Variants in CNTN1 observed in about 807,000 individuals in gnomAD.
CNTN1 encodes the protein contactin-1.
In CNTN1, 38 loss-of-function variants were observed where a neutral mutation model predicts 126.4. The ratio of observed to expected loss-of-function variants is 0.30; its 90% CI spans 0.23 to 0.39. CNTN1 has a LOEUF of 0.39. CNTN1 is among the 10% of genes least tolerant of loss of function. CNTN1 has a pLI of 1.00. For synonymous variants in CNTN1, 413 were observed against 422.6 expected (o/e 0.98, Z 0.28); for missense variants, 1,009 against 1,248.4 (o/e 0.81, Z 2.89).
Position 41,038,133 on chromosome 12 carries a change from G to A in CNTN1, c.2980+8914G>A, listed in dbSNP as rs1218482534. 2.6e-5 allele frequency among the ~76,000 whole-genome samples: 4 copies of A among 151,984 alleles called. No homozygotes were observed. In the East Asian group the frequency reaches 7.7e-4, roughly 29 times the overall value. On this transcript the variant is annotated intron_variant, in intron 23 of 23. Transcript: ENST00000551295. ...AGATGGCCACCACATGCTAGCCTGG[G>A]CAACAGAGTGAGAGTCCATCTCAAA...
chr12:40,745,961 A>G (rs1475225295), intron 1 of CNTN1, among the ~76,000 whole-genome samples: 4 of 152,134 alleles, frequency 2.6e-5, no homozygotes, highest in Non-Finnish European at 5.9e-5. Context: ...GAGAAGGAAA[A>G]AAATCAAAGT....
intron 1 of CNTN1, among the ~76,000 whole-genome samples, chr12:40,864,514 G>C (rs959939830): frequency 6.6e-6 from 1 of 151,920 alleles, no homozygotes; most frequent in Non-Finnish European, 1.5e-5. Flanking sequence ...TTACCCCTGA[G>C]CAATCACTAA....
intron 1 of CNTN1, among the ~76,000 whole-genome samples, chr12:40,805,291 T>C (rs1168978336): frequency 6.6e-6 from 1 of 152,034 alleles, no homozygotes; most frequent in East Asian, 1.9e-4. Flanking sequence ...TTTGCACGAC[T>C]GATATTTACC....
chr12:40,924,718 A>G, intron 6 of CNTN1, 66 bp downstream of exon 6: 1 of 831,718 alleles, frequency 1.2e-6, no homozygotes, highest in Non-Finnish European at 2.1e-6. Flanking sequence ...CCATTTTCTT[A>G]GTAATAATGC....
At chr12:40,694,140 A>G (rs1266006909) in intron 1 of CNTN1, among the ~76,000 whole-genome samples, 1 of 152,178 alleles carries the variant, frequency 6.6e-6, no homozygotes, top group African/African-American at 2.4e-5. Context: ...TTTCAGTGGT[A>G]ACTTATGGCT....
chr12:40,832,366 C>T (rs1171917274), intron 1 of CNTN1, among the ~76,000 whole-genome samples: 1 of 152,158 alleles, frequency 6.6e-6, no homozygotes, highest in African/African-American at 2.4e-5. Flanking sequence ...CTTGTAATGA[C>T]ATAGAGCAAC....
intron 20 of CNTN1, 72 bp downstream of exon 20, chr12:41,020,512 T>C: frequency 2.1e-6 from 2 of 934,592 alleles, no homozygotes; most frequent in East Asian, 2.6e-5. Context: ...AAATGTGTTG[T>C]ATGTTTCAAT....
chr12:40,971,608 C>A, intron 15 of CNTN1: 1 of 1,518,466 alleles, frequency 6.6e-7, no homozygotes, highest in Non-Finnish European at 8.8e-7. Context: ...TGCAGTTCTC[C>A]CCACCCCCAA....
chr12:40,843,416 G>A (rs1304504022), intron 1 of CNTN1, among the ~76,000 whole-genome samples: 1 of 152,034 alleles, frequency 6.6e-6, no homozygotes, highest in Non-Finnish European at 1.5e-5. Flanking sequence ...AGGGATAAAA[G>A]TAATTAAAAT....
intron 1 of CNTN1, among the ~76,000 whole-genome samples, chr12:40,738,784 T>A (rs1488844876): frequency 6.6e-6 from 1 of 152,060 alleles, no homozygotes; most frequent in Non-Finnish European, 1.5e-5. Context: ...AGAGATTTAA[T>A]GTTTTGTGTC....
At position 40,883,580 on chromosome 12, in the gene CNTN1, A is replaced by C. The variant is rs190366931; in HGVS notation, c.-76-24777A>C. On this transcript the variant is annotated intron_variant, in intron 1 of 23. Transcript: ENST00000551295. ...TGTGAATGTTTGATATAAAAAAAAG[A>C]CACTCTGGTTTAAAGAATGTTGCTA... is the stretch of plus-strand genomic sequence containing the variant. Among the ~76,000 whole-genome samples, 101 of 151,698 alleles carry C rather than the reference A, an allele frequency of 6.7e-4. 2 individuals are homozygous for C. The East Asian group carries it at 0.019, about 28-fold the overall frequency.
chr12:40,762,372 T>C (rs1938896237), intron 1 of CNTN1, among the ~76,000 whole-genome samples: 1 of 114,126 alleles, frequency 8.8e-6, no homozygotes, highest in Admixed American at 1.0e-4. Context: ...ATCATGATGA[T>C]AAGACAAGGA....
chr12:40,808,731 A>G (rs1024983680), intron 1 of CNTN1, among the ~76,000 whole-genome samples: 14 of 152,190 alleles, frequency 9.2e-5, no homozygotes, highest in African/African-American at 3.1e-4. Flanking sequence ...TTAAATTCCA[A>G]CCACCAGATT....
chr12:40,871,435 T>C (rs1353101796), intron 1 of CNTN1, among the ~76,000 whole-genome samples: 1 of 152,046 alleles, frequency 6.6e-6, no homozygotes, highest in African/African-American at 2.4e-5. Flanking sequence ...GGGAGGTCAG[T>C]TGGGAGGCCT....
At chr12:40,963,269 G>GTA (rs1368441650) in intron 15 of CNTN1, among the ~76,000 whole-genome samples, 5 of 151,996 alleles carry the variant, frequency 3.3e-5, no homozygotes, top group African/African-American at 1.2e-4. Context: ...AATAAGCTAG[G>GTA]CATGGTGGCA....
intron 1 of CNTN1, among the ~76,000 whole-genome samples, chr12:40,745,686 G>T (rs929049255): frequency 2.0e-5 from 3 of 152,146 alleles, no homozygotes; most frequent in Non-Finnish European, 4.4e-5. Context: ...CAGGGAAAAG[G>T]CCTGGAAAAG....
At chr12:41,034,526 T>C (rs555880391) in intron 23 of CNTN1, among the ~76,000 whole-genome samples, 14 of 152,332 alleles carry the variant, frequency 9.2e-5, no homozygotes, top group African/African-American at 3.4e-4. Flanking sequence ...TCATATGTTA[T>C]TACATTTAGT....
At chr12:40,944,689 G>A (rs55638600) in intron 14 of CNTN1, among the ~76,000 whole-genome samples, 70,474 of 151,390 alleles carry the variant, frequency 0.47, 16,360 homozygotes, top group Admixed American at 0.5. Flanking sequence ...AAGTCCTATA[G>A]TTAAACATAG....
intron 1 of CNTN1, among the ~76,000 whole-genome samples, chr12:40,770,110 C>A (rs1412800282): frequency 6.6e-6 from 1 of 152,226 alleles, no homozygotes; most frequent in East Asian, 1.9e-4. Context: ...TCATGCCAAG[C>A]TTTGTATTTT....
Sources: allele counts gnomAD v4.1 joint callset (sites outside exome capture counted in the v4.1 genomes callset), GRCh38; gene constraint gnomAD v4.1.1; transcripts MANE v1.5; gene names NCBI Gene and HGNC (gene_info 2026-07-23, HGNC 2026-07-21).